RNF152: variants seen among roughly 807,000 people sequenced by gnomAD.
The protein encoded by RNF152 is E3 ubiquitin-protein ligase RNF152.
Under a neutral mutation model 12.7 loss-of-function variants are expected in RNF152, and 11 were observed. The observed-to-expected ratio is 0.86, with a 90% confidence interval of 0.54 to 1.43. RNF152 has a LOEUF of 1.43. RNF152 is among the 40% of genes most tolerant of loss of function. The pLI is 0.00. For synonymous variants in RNF152, 113 were observed against 120.3 expected (o/e 0.94, Z 0.40); for missense variants, 255 against 274.8 (o/e 0.93, Z 0.51).
intron 1 of RNF152, among the ~76,000 whole-genome samples, chr18:61,838,395 G>A (rs1000839577): frequency 2.0e-5 from 3 of 152,186 alleles, no homozygotes; most frequent in African/African-American, 7.2e-5. Context: ...GATCAGCCCT[G>A]TAACCAGAGA....
At chr18:61,817,041 G>C (rs1909139143) in intron 1 of RNF152, among the ~76,000 whole-genome samples, 1 of 152,128 alleles carries the variant, frequency 6.6e-6, no homozygotes, top group Non-Finnish European at 1.5e-5. Flanking sequence ...CCACTTGTAA[G>C]TCTTAATTGC....
At chr18:61,854,189 G>C (rs1042061360) in intron 1 of RNF152, among the ~76,000 whole-genome samples, 1 of 152,096 alleles carries the variant, frequency 6.6e-6, no homozygotes, top group Non-Finnish European at 1.5e-5. Flanking sequence ...CTTTCACTCA[G>C]TTATCTCTGC....
chr18:61,817,707 G>A (rs995836185), intron 1 of RNF152, among the ~76,000 whole-genome samples: 8 of 150,564 alleles, frequency 5.3e-5, no homozygotes, highest in African/African-American at 1.7e-4. Flanking sequence ...TATAGTTAAA[G>A]GTTGACAGGG....
In RNF152 at chr18:61,884,491, C is replaced by A. The variant is rs1912603090; in HGVS notation, c.-136+8304G>T. 2.6e-5 allele frequency among the ~76,000 whole-genome samples: 4 copies of A among 151,048 alleles called. No individual in the cohort carries two copies. The South Asian group carries it at 8.3e-4, about 31-fold the overall frequency. On this transcript the variant is annotated intron_variant, in intron 1 of 1. Transcript: ENST00000312828. ...ACCAAATTAATTATGAGTTAAATAC[C>A]TACAGGAAGCTAGAAGGCAGGGATT...
At chr18:61,888,241 C>T (rs1055969809) in intron 1 of RNF152, 4 of 152,184 alleles carry the variant, frequency 2.6e-5, no homozygotes, top group African/African-American at 9.7e-5. Flanking sequence ...TCAAGAACCA[C>T]CCAAAGGAGA....
At chr18:61,868,740 G>T (rs1911852210) in intron 1 of RNF152, among the ~76,000 whole-genome samples, 1 of 152,112 alleles carries the variant, frequency 6.6e-6, no homozygotes. Flanking sequence ...ACAGGTTTTA[G>T]AAGGAACTTC....
chr18:61,847,401 A>T (rs1393205737), intron 1 of RNF152, among the ~76,000 whole-genome samples: 1 of 152,234 alleles, frequency 6.6e-6, no homozygotes. Context: ...GTATTGTTAC[A>T]GTCAGAGCTG....
At chr18:61,864,700 C>T (rs549250567) in intron 1 of RNF152, among the ~76,000 whole-genome samples, 10 of 152,254 alleles carry the variant, frequency 6.6e-5, no homozygotes, top group African/African-American at 2.4e-4. Context: ...CACTCTGAGG[C>T]CAGCTAAGAG....
At chr18:61,844,897 A>G (rs1675851878) in intron 1 of RNF152, among the ~76,000 whole-genome samples, 2 of 151,976 alleles carry the variant, frequency 1.3e-5, no homozygotes, top group South Asian at 2.1e-4. Context: ...TTATTCACCT[A>G]CTCGCCCCAG....
chr18:61,867,922 T>G (rs1348342165), intron 1 of RNF152, among the ~76,000 whole-genome samples: 1 of 152,154 alleles, frequency 6.6e-6, no homozygotes, highest in East Asian at 1.9e-4. Flanking sequence ...AAATACAACT[T>G]TACTATTATG....
intron 1 of RNF152, among the ~76,000 whole-genome samples, chr18:61,840,838 G>A (rs890292577): frequency 6.6e-6 from 1 of 152,152 alleles, no homozygotes; most frequent in African/African-American, 2.4e-5. Flanking sequence ...GAAGTGACAA[G>A]GTCTGTTCTC....
chr18:61,884,523 G>A (rs1568296408), intron 1 of RNF152, among the ~76,000 whole-genome samples: 1 of 150,984 alleles, frequency 6.6e-6, no homozygotes, highest in Non-Finnish European at 1.5e-5. Context: ...GATTTTTTTA[G>A]AATTATGCCT....
At chr18:61,880,662 T>G (rs974257291) in intron 1 of RNF152, among the ~76,000 whole-genome samples, 2 of 152,188 alleles carry the variant, frequency 1.3e-5, no homozygotes, top group African/African-American at 2.4e-5. Context: ...GAATCCAAGA[T>G]AGTTAGGAAA....
chr18:61,883,810 C>A (rs1017996474), intron 1 of RNF152, among the ~76,000 whole-genome samples: 1 of 152,162 alleles, frequency 6.6e-6, no homozygotes, highest in Non-Finnish European at 1.5e-5. Context: ...AGCTCAGAAC[C>A]CTTTCTCAGA....
intron 1 of RNF152, among the ~76,000 whole-genome samples, chr18:61,838,634 C>G (rs1356141101): frequency 6.6e-6 from 1 of 152,124 alleles, no homozygotes; most frequent in Non-Finnish European, 1.5e-5. Context: ...CACAGACGGT[C>G]CCCAGACAGC....
chr18:61,874,082 A>T (rs1393677576), intron 1 of RNF152, among the ~76,000 whole-genome samples: 1 of 152,242 alleles, frequency 6.6e-6, no homozygotes. Context: ...AATTTTAGAA[A>T]TATAAAAACT....
At chr18:61,828,380 T>C (rs945381736) in intron 1 of RNF152, among the ~76,000 whole-genome samples, 1 of 152,138 alleles carries the variant, frequency 6.6e-6, no homozygotes, top group African/African-American at 2.4e-5. Context: ...GCCCCCCGAG[T>C]AGCTGGGACT....
chr18:61,820,328 CACCAAAAAAAA>C (rs1417897163), intron 1 of RNF152, among the ~76,000 whole-genome samples: 352 of 28,102 alleles, frequency 0.013, 18 homozygotes, highest in African/African-American at 0.063. Flanking sequence ...GACTCCGTCT[CACCAAAAAAAA>C]AAAAAAAAAA....
At chr18:61,891,238 G>A (rs547113807) in intron 1 of RNF152, among the ~76,000 whole-genome samples, 2 of 152,258 alleles carry the variant, frequency 1.3e-5, no homozygotes, top group South Asian at 4.2e-4. Context: ...ATCTGAGGGT[G>A]GGGAGCCTCC....
Sources: allele counts gnomAD v4.1 joint callset (sites outside exome capture counted in the v4.1 genomes callset), GRCh38; gene constraint gnomAD v4.1.1; transcripts MANE v1.5; gene names NCBI Gene and HGNC (gene_info 2026-07-23, HGNC 2026-07-21).